The following HMGCLL1 variants were observed in gnomAD, a reference collection of about 807,000 sequenced individuals.
The protein encoded by HMGCLL1 is 3-hydroxy-3-methylglutaryl-CoA lyase like 1, also known as 3-hydroxymethyl-3-methylglutaryl-CoA lyase, cytoplasmic.
HMGCLL1 carries 36 observed loss-of-function variants against 39.1 expected under a neutral mutation model. The observed-to-expected ratio is 0.92, with a 90% CI of 0.71 to 1.22. The LOEUF is 1.22. Ranked by LOEUF, HMGCLL1 falls within the 50% of genes most tolerant of loss-of-function variation. HMGCLL1 has a pLI of 0.00. For synonymous variants in HMGCLL1, 149 were observed against 144.0 expected (o/e 1.03, Z -0.25); for missense variants, 451 against 416.5 (o/e 1.08, Z -0.72).
intron 7 of HMGCLL1, among the ~76,000 whole-genome samples, chr6:55,485,707 C>T (rs1561910942): frequency 6.6e-6 from 1 of 151,434 alleles, no homozygotes; most frequent in Non-Finnish European, 1.5e-5. Context: ...ACTGTTCAGC[C>T]CCACGAAACA....
At chr6:55,452,423 C>G (rs1581795331) in intron 7 of HMGCLL1, among the ~76,000 whole-genome samples, 1 of 152,110 alleles carries the variant, frequency 6.6e-6, no homozygotes, top group Non-Finnish European at 1.5e-5. Context: ...CAGAGAAATT[C>G]AATCTCTAGT....
chr6:55,613,216 G>A, the HMGCLL1 span, among the ~76,000 whole-genome samples: 1 of 152,202 alleles, frequency 6.6e-6, no homozygotes, highest in Non-Finnish European at 1.5e-5. Flanking sequence ...CTTATCATTA[G>A]AGAAATGCAA....
the HMGCLL1 span, among the ~76,000 whole-genome samples, chr6:55,597,863 A>G: frequency 6.6e-6 from 1 of 152,216 alleles, no homozygotes; most frequent in Non-Finnish European, 1.5e-5. Flanking sequence ...GGTAAGACAA[A>G]GAAATAGAGT....
chr6:55,541,796 C>G lies in HMGCLL1; in HGVS notation c.230G>C (p.Arg77Pro). ...PTDIKIEFIN[R>P]LSQTGLSVIE... ...TACAGACAAGCCAGTTTGGGAAAGT[C>G]GATTGATAAATTCAATTTTTATATC... Residue 77 changes from arginine to proline, a missense_variant, in exon 3 of 9, where the codon CGA becomes CCA. Arg to Pro is a moderately radical substitution (Grantham distance 103). Coordinates refer to ENST00000274901, the MANE Select transcript of HMGCLL1 (RefSeq NM_001042406.2). 1 of 1,608,164 alleles carries G rather than the reference C, an allele frequency of 6.2e-7. No individual in the cohort carries two copies. Among genetic ancestry groups the G allele is most frequent in the Non-Finnish European group, 8.5e-7 (1 of 1,176,602 alleles).
rs547001861 is a variant in HMGCLL1 at position 55,441,960 on chromosome 6, G to A, written c.796-2401C>T. Among the ~76,000 whole-genome samples, 28 of 152,102 alleles carry A rather than the reference G, an allele frequency of 1.8e-4. 1 individual carries two copies. In the South Asian group the frequency reaches 3.7e-3, roughly 20 times the overall value. ...CCCTCCTCAGCCTCCCAAAGTGCTC[G>A]TCATGTATTTTGTACATTGTCCTTC... On this transcript the variant is annotated intron_variant, in intron 7 of 8. Transcript: ENST00000274901.
At chr6:55,607,517 G>A in the HMGCLL1 span, among the ~76,000 whole-genome samples, 1 of 152,234 alleles carries the variant, frequency 6.6e-6, no homozygotes, top group South Asian at 2.1e-4. Flanking sequence ...TGCCTGAGCT[G>A]CAGGCCACCT....
At chr6:55,646,499 A>G in the HMGCLL1 span, among the ~76,000 whole-genome samples, 6 of 151,072 alleles carry the variant, frequency 4.0e-5, no homozygotes, top group East Asian at 9.8e-4. Flanking sequence ...TTTAGTGGAC[A>G]TTTTTCTTCT....
At position 55,579,138 on chromosome 6, in the gene HMGCLL1, A is replaced by C. The variant is rs1771919872; in HGVS notation, c.-83T>G. Reference sequence around the variant, plus strand: ...GGGCACCGCGCTGGGAAACTGCGCCAGCTCGGGAGCGCGCCCCTCCGGTGC... The same window carrying C: ...GGGCACCGCGCTGGGAAACTGCGCCCGCTCGGGAGCGCGCCCCTCCGGTGC... On this transcript the variant is annotated 5_prime_UTR_variant, in exon 1 of 9. Coordinates refer to ENST00000274901, the MANE Select transcript of HMGCLL1 (RefSeq NM_001042406.2). The C allele has an allele frequency of 2.9e-6, 3 of 1,038,966 alleles. No individual in the cohort carries two copies. The highest frequency in any genetic ancestry group is 4.4e-6 in the Non-Finnish European group (3 of 687,246). 64.4% of individuals were successfully genotyped at this position (1,038,966 alleles called of 1,614,324 possible).
the HMGCLL1 span, among the ~76,000 whole-genome samples, chr6:55,660,406 C>T: frequency 6.6e-6 from 1 of 151,836 alleles, no homozygotes; most frequent in East Asian, 1.9e-4. Context: ...GTCTATTTTT[C>T]CCCTCTTTGT....
At chr6:55,658,770 T>TAG in the HMGCLL1 span, among the ~76,000 whole-genome samples, 1 of 151,974 alleles carries the variant, frequency 6.6e-6, no homozygotes, top group South Asian at 2.1e-4. Context: ...TGTATTTTCG[T>TAG]AGAGTTGAAT....
intron 7 of HMGCLL1, among the ~76,000 whole-genome samples, chr6:55,461,689 T>C (rs1021503789): frequency 2.0e-5 from 3 of 152,078 alleles, no homozygotes; most frequent in Non-Finnish European, 4.4e-5. Flanking sequence ...TAAAGCACCA[T>C]GAAATTAGAT....
intron 7 of HMGCLL1, among the ~76,000 whole-genome samples, chr6:55,490,452 C>T (rs540927878): frequency 3.9e-5 from 6 of 152,174 alleles, no homozygotes; most frequent in East Asian, 3.9e-4. Flanking sequence ...TTTACTTTTC[C>T]GACTCAGGAA....
intron 7 of HMGCLL1, among the ~76,000 whole-genome samples, chr6:55,447,642 C>T (rs1561885823): frequency 6.6e-6 from 1 of 151,942 alleles, no homozygotes; most frequent in Admixed American, 6.6e-5. Context: ...ATAATAAATA[C>T]TATTAGCAAA....
intron 3 of HMGCLL1, among the ~76,000 whole-genome samples, chr6:55,537,034 G>C (rs1162608104): frequency 6.6e-6 from 1 of 152,084 alleles, no homozygotes; most frequent in Admixed American, 6.6e-5. Context: ...ATATATGTAA[G>C]CTGTTGTACT....
intron 7 of HMGCLL1, among the ~76,000 whole-genome samples, chr6:55,467,197 T>C (rs1002727374): frequency 2.0e-5 from 3 of 152,090 alleles, no homozygotes; most frequent in Non-Finnish European, 4.4e-5. Flanking sequence ...AATTATGGCA[T>C]CAACTAATAA....
At chr6:55,441,726 G>A (rs1449898050) in intron 7 of HMGCLL1, among the ~76,000 whole-genome samples, 1 of 151,672 alleles carries the variant, frequency 6.6e-6, no homozygotes, top group African/African-American at 2.4e-5. Context: ...AGTCTTGCTC[G>A]GTTAGCCAGG....
chr6:55,576,760 T>G (rs1343065037), intron 1 of HMGCLL1, among the ~76,000 whole-genome samples: 1 of 152,180 alleles, frequency 6.6e-6, no homozygotes, highest in Non-Finnish European at 1.5e-5. Context: ...GAAGATAGTT[T>G]CTGGTGTATG....
intron 4 of HMGCLL1, 134 bp from the exon 5 acceptor site, chr6:55,514,330 T>C (rs1407276874): frequency 1.2e-5 from 7 of 607,636 alleles, no homozygotes; most frequent in Non-Finnish European, 1.9e-5. Flanking sequence ...AAAATTGGAT[T>C]CCTCTCATCT....
the HMGCLL1 span, among the ~76,000 whole-genome samples, chr6:55,638,183 A>G: frequency 1.3e-5 from 2 of 152,190 alleles, no homozygotes; most frequent in East Asian, 3.9e-4. Context: ...AGGTGGGTGG[A>G]TCTCCTGAGG....
Sources: gnomAD v4.1 joint callset for allele counts (sites outside exome capture counted in the v4.1 genomes callset) on GRCh38, gnomAD v4.1.1 for gene constraint, MANE v1.5 for transcripts, NCBI Gene and HGNC (gene_info 2026-07-23, HGNC 2026-07-21) for gene names.